The following TMTC1 variants were observed in gnomAD, a reference collection of about 807,000 sequenced individuals.
TMTC1 encodes the protein protein O-mannosyl-transferase TMTC1.
In TMTC1, 73 loss-of-function variants were observed where a neutral mutation model predicts 104.8. That is an observed-to-expected ratio of 0.70 (90% CI 0.58 to 0.85). TMTC1 has a LOEUF of 0.85. TMTC1 is among the 40% of genes least tolerant of loss of function. The probability of loss-of-function intolerance (pLI) is 0.00; values close to 1 mark genes in which losing one functional copy is unlikely to be tolerated. For synonymous variants in TMTC1, 434 were observed against 428.7 expected (o/e 1.01, Z -0.15); for missense variants, 1,035 against 1,096.1 (o/e 0.94, Z 0.79).
chr12:29,630,146 T>C (rs944946588), intron 6 of TMTC1, among the ~76,000 whole-genome samples: 1 of 152,204 alleles, frequency 6.6e-6, no homozygotes, highest in Admixed American at 6.5e-5. Context: ...TTTTAGAGTT[T>C]CACATGAATG....
At chr12:29,715,849 C>T (rs965106861) in intron 5 of TMTC1, among the ~76,000 whole-genome samples, 18 of 152,064 alleles carry the variant, frequency 1.2e-4, no homozygotes, top group African/African-American at 4.1e-4. Context: ...TGTGAAAACT[C>T]ACTCACTATT....
chr12:29,548,911 T>C (rs987296031), intron 10 of TMTC1, among the ~76,000 whole-genome samples: 4 of 142,440 alleles, frequency 2.8e-5, no homozygotes, highest in African/African-American at 1.0e-4. Flanking sequence ...ATTAATATAT[T>C]TATTTACATA....
rs374694281 is a variant in TMTC1 at position 29,737,552 on chromosome 12, G to T, written c.938+14114C>A. Among the ~76,000 whole-genome samples the T allele has an allele frequency of 2.3e-4, 35 of 152,204 alleles. No homozygotes were observed. In the South Asian group the frequency reaches 6.7e-3, roughly 29 times the overall value. On this transcript the variant is annotated intron_variant, in intron 5 of 17. Transcript: ENST00000539277. ...TAAAAATAAAAAAAGGGCGGCGGGA[G>T]GGGGGAAGCCACTCAGGGAAAAGGG...
intron 3 of TMTC1, 32 bp from the exon 4 acceptor site, chr12:29,755,917 A>G: frequency 6.2e-7 from 1 of 1,604,300 alleles, no homozygotes; most frequent in Non-Finnish European, 8.5e-7. Flanking sequence ...CTTTTAATCT[A>G]AGAAAGAATA....
chr12:29,657,281 G>C (rs1939805838), intron 5 of TMTC1, among the ~76,000 whole-genome samples: 1 of 152,134 alleles, frequency 6.6e-6, no homozygotes, highest in Admixed American at 6.5e-5. Context: ...GTTATTTAAG[G>C]AGCTACAGAA....
intron 5 of TMTC1, among the ~76,000 whole-genome samples, chr12:29,664,297 C>A (rs943719730): frequency 6.6e-6 from 1 of 151,570 alleles, no homozygotes; most frequent in Non-Finnish European, 1.5e-5. Flanking sequence ...GAGCAGTGGA[C>A]GAAAAAAAAA....
chr12:29,716,003 T>C lies in TMTC1; in HGVS notation c.938+35663A>G, dbSNP rs949452415. 1.4e-3 allele frequency among the ~76,000 whole-genome samples: 197 copies of C among 144,360 alleles called. 1 individual carries two copies. Among genetic ancestry groups the C allele is most frequent in the Middle Eastern group, 7.1e-3 (2 of 280 alleles). The allele number at this position is 144,360 out of a possible 152,430, so 94.7% of individuals were successfully genotyped here. A position where few individuals can be genotyped will look rare whatever the true frequency, so the allele number is the denominator to read the frequency against. ...CCAAACTCAGTATTATTATTATTAT[T>C]ATTATTATTATTATTATTATTATTA... On this transcript the variant is annotated intron_variant, in intron 5 of 17. Coordinates refer to ENST00000539277, the MANE Select transcript of TMTC1 (RefSeq NM_001193451.2).
intron 5 of TMTC1, among the ~76,000 whole-genome samples, chr12:29,713,300 TACACACACAC>T (rs10574727): frequency 7.4e-4 from 100 of 134,490 alleles, no homozygotes; most frequent in East Asian, 1.8e-3. Flanking sequence ...CATAAACACA[TACACACACAC>T]ACACACACAC....
At position 29,516,169 on chromosome 12, in the gene TMTC1, A is replaced by T. The variant is rs77225684; in HGVS notation, c.2307+180T>A. Among the ~76,000 whole-genome samples, 905 of 152,324 alleles carry T rather than the reference A, an allele frequency of 5.9e-3. 6 individuals are homozygous for T. The highest frequency in any genetic ancestry group is 0.021 in the African/African-American group (864 of 41,578). On this transcript the variant is annotated intron_variant, in intron 15 of 17. Coordinates refer to ENST00000539277, the MANE Select transcript of TMTC1 (RefSeq NM_001193451.2). ...AAGATAAGCCAAGAAAAATATTATTACAAGGGGACATCTTAGGTGTTAAGG... is the reference window on the plus strand; with the variant it reads ...AAGATAAGCCAAGAAAAATATTATTTCAAGGGGACATCTTAGGTGTTAAGG...
chr12:29,515,717 C>T (rs1478507889), intron 15 of TMTC1, among the ~76,000 whole-genome samples: 2 of 148,242 alleles, frequency 1.3e-5, no homozygotes, highest in African/African-American at 5.0e-5. Flanking sequence ...TAATCTCCTT[C>T]TCTATGGGTT....
intron 6 of TMTC1, among the ~76,000 whole-genome samples, chr12:29,617,936 A>C (rs1353325410): frequency 6.6e-6 from 1 of 152,198 alleles, no homozygotes; most frequent in Non-Finnish European, 1.5e-5. Flanking sequence ...GATCTGACTT[A>C]CATTTTAAAG....
chr12:29,568,047 G>T (rs950354644), intron 9 of TMTC1, among the ~76,000 whole-genome samples: 2 of 152,050 alleles, frequency 1.3e-5, no homozygotes, highest in African/African-American at 4.8e-5. Flanking sequence ...TCCTTACAAA[G>T]TTCCTGTGAT....
At chr12:29,525,853 C>A (rs192477143) in intron 11 of TMTC1, among the ~76,000 whole-genome samples, 16 of 152,212 alleles carry the variant, frequency 1.1e-4, no homozygotes, top group Non-Finnish European at 2.2e-4. Flanking sequence ...ATCTGAAATA[C>A]CTTATTTGTT....
intron 5 of TMTC1, chr12:29,658,375 A>G (rs1337684715): frequency 6.6e-6 from 1 of 152,162 alleles, no homozygotes; most frequent in African/African-American, 2.4e-5. Flanking sequence ...TTTGACATCT[A>G]TTATGACACA....
At chr12:29,703,429 C>T (rs1163386444) in intron 5 of TMTC1, among the ~76,000 whole-genome samples, 3 of 152,084 alleles carry the variant, frequency 2.0e-5, no homozygotes, top group East Asian at 1.9e-4. Flanking sequence ...TGCTAGTTTC[C>T]GAGTAAAGAT....
At chr12:29,762,927 G>C (rs1943385443) in intron 2 of TMTC1, among the ~76,000 whole-genome samples, 1 of 152,202 alleles carries the variant, frequency 6.6e-6, no homozygotes, top group South Asian at 2.1e-4. Context: ...AGCATCACCT[G>C]CAAGTCTTCC....
At chr12:29,597,044 ACCTG>A (rs1946421961) in intron 7 of TMTC1, among the ~76,000 whole-genome samples, 1 of 151,722 alleles carries the variant, frequency 6.6e-6, no homozygotes, top group South Asian at 2.1e-4. Flanking sequence ...CTAATATCTA[ACCTG>A]TTTTCAGGGA....
intron 7 of TMTC1, among the ~76,000 whole-genome samples, chr12:29,586,718 T>A (rs1946144586): frequency 6.8e-6 from 1 of 147,936 alleles, no homozygotes; most frequent in South Asian, 2.1e-4. Context: ...TTTGGTTCTG[T>A]TTACATGCTG....
chr12:29,751,549 A>C lies in TMTC1; in HGVS notation c.938+117T>G, dbSNP rs191175319. The C allele has an allele frequency of 3.3e-4, 338 of 1,023,872 alleles. 1 individual carries two copies. In the African/African-American group the frequency reaches 4.9e-3, roughly 15 times the overall value. 63.4% of individuals were successfully genotyped at this position (1,023,872 alleles called of 1,614,324 possible). On this transcript the variant is annotated intron_variant, in intron 5 of 17. Coordinates refer to ENST00000539277, the MANE Select transcript of TMTC1 (RefSeq NM_001193451.2). ...AGAAGGGGGTAAGGAGGGAAGCATG[A>C]AGAGAGGGAGGTCACAGTGTGCTGA...
Sources: allele counts gnomAD v4.1 joint callset (sites outside exome capture counted in the v4.1 genomes callset), GRCh38; gene constraint gnomAD v4.1.1; transcripts MANE v1.5; gene names NCBI Gene and HGNC (gene_info 2026-07-23, HGNC 2026-07-21).